Variants in PRKACB observed in about 807,000 individuals in gnomAD.
PRKACB encodes the protein protein kinase cAMP-activated catalytic subunit beta.
Under a neutral mutation model 51.4 loss-of-function variants are expected in PRKACB, and 16 were observed. The ratio of observed to expected loss-of-function variants is 0.31; its 90% CI spans 0.21 to 0.47. PRKACB has a LOEUF of 0.47. Among genes scored for constraint, PRKACB ranks in the 20% least tolerant of loss-of-function variants. PRKACB has a pLI of 1.00. For missense variants in PRKACB, 309 were observed against 464.5 expected, an observed-to-expected ratio of 0.67 and a Z score of 3.08; for synonymous variants, 147 against 154.4, an observed-to-expected ratio of 0.95 and a Z score of 0.35.
At chr1:84,093,167 C>G (rs1238698835) in intron 1 of PRKACB, among the ~76,000 whole-genome samples, 2 of 151,936 alleles carry the variant, frequency 1.3e-5, no homozygotes, top group African/African-American at 4.8e-5. Context: ...TTAAGAAGTT[C>G]TCACTACCCT....
intron 5 of PRKACB, among the ~76,000 whole-genome samples, chr1:84,185,689 G>C (rs1430718713): frequency 6.6e-6 from 1 of 151,982 alleles, no homozygotes; most frequent in Non-Finnish European, 1.5e-5. Flanking sequence ...ACGGGAGTTT[G>C]TACCTCATCA....
At chr1:84,187,551 T>C (rs1665517867) in intron 5 of PRKACB, among the ~76,000 whole-genome samples, 1 of 152,118 alleles carries the variant, frequency 6.6e-6, no homozygotes, top group Admixed American at 6.6e-5. Flanking sequence ...ATGAGACTTG[T>C]TTCTTAAAAT....
At chr1:84,155,612 A>G (rs558105385) in intron 1 of PRKACB, among the ~76,000 whole-genome samples, 1 of 152,346 alleles carries the variant, frequency 6.6e-6, no homozygotes, top group East Asian at 1.9e-4. Flanking sequence ...AGTGAGTAAT[A>G]GCAGATGATC....
At chr1:84,172,151 A>G (rs1659717093) in intron 1 of PRKACB, among the ~76,000 whole-genome samples, 1 of 151,708 alleles carries the variant, frequency 6.6e-6, no homozygotes, top group African/African-American at 2.4e-5. Flanking sequence ...TGATGCTACC[A>G]TTTACTGAGT....
chr1:84,093,505 A>C (rs1461572818), intron 1 of PRKACB, among the ~76,000 whole-genome samples: 1 of 152,074 alleles, frequency 6.6e-6, no homozygotes, highest in East Asian at 1.9e-4. Context: ...AAACTGCATG[A>C]ATTCATATAA....
chr1:84,127,941 G>A (rs943284279), intron 1 of PRKACB, among the ~76,000 whole-genome samples: 5 of 151,188 alleles, frequency 3.3e-5, no homozygotes, highest in African/African-American at 7.3e-5. Flanking sequence ...AAATAAAGAG[G>A]CTTTGCTCAG....
At chr1:84,213,798 C>G (rs1672477540) in intron 8 of PRKACB, among the ~76,000 whole-genome samples, 1 of 152,042 alleles carries the variant, frequency 6.6e-6, no homozygotes, top group South Asian at 2.1e-4. Flanking sequence ...CTTTGAGACA[C>G]AGGTTTGTAA....
At chr1:84,230,625 T>G (rs938241474) in intron 9 of PRKACB, among the ~76,000 whole-genome samples, 37 of 151,710 alleles carry the variant, frequency 2.4e-4, no homozygotes, top group African/African-American at 8.0e-4. Context: ...TGGTTTGTAG[T>G]TCTCCTTGAA....
intron 8 of PRKACB, among the ~76,000 whole-genome samples, chr1:84,205,807 TA>T (rs1671248850): frequency 1.3e-5 from 2 of 152,186 alleles, no homozygotes; most frequent in East Asian, 1.9e-4. Context: ...ATTTTGCCTT[TA>T]AAAAAACAGA....
intron 2 of PRKACB, among the ~76,000 whole-genome samples, chr1:84,180,183 G>GATATAT (rs3051182): frequency 0.029 from 945 of 32,038 alleles, 127 homozygotes; most frequent in Middle Eastern, 0.094. Flanking sequence ...AAGAAACTGT[G>GATATAT]ATATATATAT....
intron 1 of PRKACB, among the ~76,000 whole-genome samples, chr1:84,146,724 T>C (rs1182358148): frequency 6.6e-6 from 1 of 152,028 alleles, no homozygotes; most frequent in African/African-American, 2.4e-5. Flanking sequence ...TAAACCTTTG[T>C]ATAAAGATCA....
At chr1:84,212,163 CA>C (rs1672230435) in intron 8 of PRKACB, among the ~76,000 whole-genome samples, 1 of 152,074 alleles carries the variant, frequency 6.6e-6, no homozygotes, top group Non-Finnish European at 1.5e-5. Flanking sequence ...AAGTAGTGAA[CA>C]GAGTTGAGAA....
upstream of PRKACB, among the ~76,000 whole-genome samples, chr1:84,140,752 C>A (rs1253006461): frequency 1.3e-5 from 2 of 152,114 alleles, no homozygotes; most frequent in African/African-American, 4.8e-5. Flanking sequence ...AACTTCTTCA[C>A]TCTTATTTGG....
At chr1:84,230,761 G>A (rs1384685597) in intron 9 of PRKACB, among the ~76,000 whole-genome samples, 1 of 149,346 alleles carries the variant, frequency 6.7e-6, no homozygotes, top group Non-Finnish European at 1.5e-5. Context: ...AAGAATGCCT[G>A]TGATTTTTGT....
upstream of PRKACB, among the ~76,000 whole-genome samples, chr1:84,142,200 T>C (rs527989081): frequency 2.0e-5 from 3 of 152,272 alleles, no homozygotes; most frequent in South Asian, 6.2e-4. Context: ...ACTCACAATT[T>C]AGGGTCATAT....
At chr1:84,214,695 A>G (rs1387598989) in intron 9 of PRKACB, among the ~76,000 whole-genome samples, 1 of 151,978 alleles carries the variant, frequency 6.6e-6, no homozygotes, top group Non-Finnish European at 1.5e-5. Context: ...GGGTTTCACT[A>G]TGTTGGCTAG....
chr1:84,209,764 A>G (rs913924984), intron 8 of PRKACB, among the ~76,000 whole-genome samples: 11 of 152,194 alleles, frequency 7.2e-5, no homozygotes, highest in African/African-American at 2.7e-4. Context: ...TGTAAACTCC[A>G]TGAAGGCAGA....
chr1:84,169,176 C>T lies in PRKACB; in HGVS notation c.188-10001C>T, dbSNP rs564344600. 3.9e-4 allele frequency among the ~76,000 whole-genome samples: 59 copies of T among 151,534 alleles called. 2 individuals carry two copies. The highest frequency in any genetic ancestry group is 6.6e-4 in the Non-Finnish European group (45 of 67,674). ...ATAAAAGAGGTTATACACCATAAAA[C>T]GATAAAGTTACAGTCTCCAAGAGGT... On this transcript the variant is annotated intron_variant, in intron 1 of 9. Transcript: ENST00000370685.
chr1:84,184,005 T>A, intron 3 of PRKACB, 32 bp from the exon 4 acceptor site: 1 of 1,510,744 alleles, frequency 6.6e-7, no homozygotes, highest in Non-Finnish European at 8.8e-7. Flanking sequence ...TTTGCTTAAA[T>A]ACATTAAGAG....
Sources: allele counts gnomAD v4.1 joint callset (sites outside exome capture counted in the v4.1 genomes callset), GRCh38; gene constraint gnomAD v4.1.1; transcripts MANE v1.5; gene names NCBI Gene and HGNC (gene_info 2026-07-23, HGNC 2026-07-21).